Variants in FBXL17 observed in about 807,000 individuals in gnomAD.
FBXL17 encodes the protein F-box and leucine rich repeat protein 17.
In FBXL17, 22 loss-of-function variants were observed where a neutral mutation model predicts 66.2. That is an observed-to-expected ratio of 0.33 (90% CI 0.24 to 0.47). FBXL17 has a LOEUF of 0.47. FBXL17 is among the 20% of genes least tolerant of loss of function. The pLI is 1.00. For missense variants in FBXL17, 878 were observed against 948.2 expected (o/e 0.93, Z 0.97); for synonymous variants, 474 against 400.5 (o/e 1.18, Z -2.19).
intron 6 of FBXL17, among the ~76,000 whole-genome samples, chr5:108,069,933 T>G (rs1748266751): frequency 6.6e-6 from 1 of 152,182 alleles, no homozygotes; most frequent in South Asian, 2.1e-4. Context: ...ATAACAAAAC[T>G]AATCTGTAGA....
At chr5:108,092,541 C>G (rs958873087) in intron 6 of FBXL17, among the ~76,000 whole-genome samples, 14 of 152,170 alleles carry the variant, frequency 9.2e-5, no homozygotes, top group Admixed American at 3.9e-4. Flanking sequence ...ATCTTAAACT[C>G]CTGGGCTCAA....
intron 6 of FBXL17, among the ~76,000 whole-genome samples, chr5:108,144,760 A>G (rs910051264): frequency 2.0e-5 from 3 of 152,178 alleles, no homozygotes; most frequent in Admixed American, 6.5e-5. Flanking sequence ...CTCCAACTAA[A>G]TTAAATCATA....
At chr5:108,313,397 C>A (rs2150202955) in intron 4 of FBXL17, among the ~76,000 whole-genome samples, 1 of 152,176 alleles carries the variant, frequency 6.6e-6, no homozygotes, top group South Asian at 2.1e-4. Flanking sequence ...ACACTTAAGG[C>A]CATTTAATTT....
chr5:108,242,246 GAA>G (rs1419378166), intron 4 of FBXL17, among the ~76,000 whole-genome samples: 13 of 152,060 alleles, frequency 8.5e-5, no homozygotes, highest in Admixed American at 3.3e-4. Flanking sequence ...CAATAAGAGA[GAA>G]ATAGCTCATT....
intron 7 of FBXL17, among the ~76,000 whole-genome samples, chr5:107,916,189 G>A (rs1750125215): frequency 6.6e-6 from 1 of 152,178 alleles, no homozygotes; most frequent in Admixed American, 6.5e-5. Context: ...ATAAAGACTA[G>A]GTGGTTTGGG....
At chr5:108,317,878 G>A (rs1416782540) in intron 4 of FBXL17, among the ~76,000 whole-genome samples, 1 of 151,410 alleles carries the variant, frequency 6.6e-6, no homozygotes, top group Admixed American at 6.6e-5. Flanking sequence ...CATTCACTAT[G>A]TATCTGCAAA....
intron 7 of FBXL17, among the ~76,000 whole-genome samples, chr5:107,955,815 G>C (rs1394838293): frequency 6.6e-6 from 1 of 152,090 alleles, no homozygotes; most frequent in Non-Finnish European, 1.5e-5. Context: ...AAAATAAGTT[G>C]TGTCTACTAA....
chr5:107,980,664 A>ATATTTTTTTTTTTTTTTTTTTTTT, intron 7 of FBXL17, among the ~76,000 whole-genome samples: 1 of 62,106 alleles, frequency 1.6e-5, no homozygotes, highest in African/African-American at 1.0e-4. Context: ...ATATATATAT[A>ATATTTTTTTTTTTTTTTTTTTTTT]TTTTTTTTTT....
chr5:108,212,499 C>T (rs1286076238), intron 5 of FBXL17, among the ~76,000 whole-genome samples: 1 of 152,098 alleles, frequency 6.6e-6, no homozygotes. Context: ...TTTTCGTGAC[C>T]TCTGAATGGG....
intron 4 of FBXL17, among the ~76,000 whole-genome samples, chr5:108,281,327 A>C (rs1442385100): frequency 6.6e-6 from 1 of 151,988 alleles, no homozygotes; most frequent in Non-Finnish European, 1.5e-5. Flanking sequence ...TTCTCAGGCC[A>C]CAGTAGAATA....
intron 6 of FBXL17, among the ~76,000 whole-genome samples, chr5:108,144,683 T>C (rs1751490292): frequency 6.6e-6 from 1 of 152,178 alleles, no homozygotes; most frequent in Non-Finnish European, 1.5e-5. Flanking sequence ...TCATACAGTA[T>C]GTCTAATAGA....
intron 7 of FBXL17, among the ~76,000 whole-genome samples, chr5:107,954,172 C>T (rs1357785999): frequency 6.6e-6 from 1 of 152,016 alleles, no homozygotes; most frequent in Non-Finnish European, 1.5e-5. Context: ...AAATATTCCT[C>T]TTAAAAGAAC....
At chr5:108,106,055 ATT>A (rs1444179287) in intron 6 of FBXL17, among the ~76,000 whole-genome samples, 3 of 152,142 alleles carry the variant, frequency 2.0e-5, no homozygotes, top group Non-Finnish European at 4.4e-5. Flanking sequence ...AGAATGATTT[ATT>A]CAAGGTCATT....
chr5:108,212,415 T>C (rs572320461), intron 5 of FBXL17, among the ~76,000 whole-genome samples: 1 of 152,344 alleles, frequency 6.6e-6, no homozygotes, highest in African/African-American at 2.4e-5. Context: ...AGAGGCTTTC[T>C]GGTTTTTGGA....
intron 7 of FBXL17, among the ~76,000 whole-genome samples, chr5:107,996,503 C>A (rs1753478249): frequency 6.6e-6 from 1 of 152,108 alleles, no homozygotes; most frequent in Non-Finnish European, 1.5e-5. Flanking sequence ...TTAGTAGAGA[C>A]AAGGTTTTGC....
intron 7 of FBXL17, among the ~76,000 whole-genome samples, chr5:107,928,533 A>T (rs976777264): frequency 2.0e-5 from 3 of 152,082 alleles, no homozygotes; most frequent in African/African-American, 7.2e-5. Context: ...TTGTACATAC[A>T]GAAACTCAAC....
intron 4 of FBXL17, among the ~76,000 whole-genome samples, chr5:108,230,460 T>C (rs1053868171): frequency 3.9e-5 from 6 of 152,150 alleles, no homozygotes; most frequent in African/African-American, 9.7e-5. Context: ...CTAAGTGAAG[T>C]AACTCAGGAA....
At chr5:107,989,448 C>A (rs2112688652) in intron 7 of FBXL17, among the ~76,000 whole-genome samples, 1 of 152,122 alleles carries the variant, frequency 6.6e-6, no homozygotes, top group Non-Finnish European at 1.5e-5. Flanking sequence ...TAGTTCCAAC[C>A]ATGTTTCTGC....
At chr5:108,076,287 G>C (rs1748545179) in intron 6 of FBXL17, among the ~76,000 whole-genome samples, 1 of 152,216 alleles carries the variant, frequency 6.6e-6, no homozygotes, top group Non-Finnish European at 1.5e-5. Flanking sequence ...CCTGGCTGGG[G>C]TGTGGATCTT....
Sources: gnomAD v4.1 joint callset for allele counts (sites outside exome capture counted in the v4.1 genomes callset) on GRCh38, gnomAD v4.1.1 for gene constraint, MANE v1.5 for transcripts, NCBI Gene and HGNC (gene_info 2026-07-23, HGNC 2026-07-21) for gene names.